Variants in CEP85L observed in about 807,000 individuals in gnomAD.
CEP85L encodes centrosomal protein of 85 kDa-like.
A neutral mutation model predicts 100.3 loss-of-function variants in CEP85L; 60 were observed. The observed-to-expected ratio is 0.60, with a 90% CI of 0.49 to 0.74. The LOEUF is 0.74. CEP85L is among the 30% of genes least tolerant of loss of function. The pLI, the probability that CEP85L is intolerant of heterozygous loss-of-function variation, is 0.00. For synonymous variants in CEP85L, 319 were observed against 322.7 expected (o/e 0.99, Z 0.12); for missense variants, 973 against 936.2 (o/e 1.04, Z -0.51).
intron 2 of CEP85L, among the ~76,000 whole-genome samples, chr6:118,629,610 T>C (rs1453563675): frequency 6.6e-6 from 1 of 152,226 alleles, no homozygotes; most frequent in African/African-American, 2.4e-5. Context: ...GAAGACAGTT[T>C]GGTGGTTTTT....
At chr6:118,691,344 C>T (rs948074038) in intron 1 of CEP85L, among the ~76,000 whole-genome samples, 4 of 151,910 alleles carry the variant, frequency 2.6e-5, no homozygotes, top group African/African-American at 9.7e-5. Flanking sequence ...ACCAGCCTGA[C>T]CAACATGGAG....
intron 2 of CEP85L, among the ~76,000 whole-genome samples, chr6:118,578,471 C>A (rs1246946174): frequency 6.6e-6 from 1 of 152,222 alleles, no homozygotes; most frequent in Non-Finnish European, 1.5e-5. Context: ...GTGGCTCACG[C>A]CTGTAATCCC....
At chr6:118,569,378 T>C (rs879344755) in intron 2 of CEP85L, among the ~76,000 whole-genome samples, 18 of 106,928 alleles carry the variant, frequency 1.7e-4, no homozygotes, top group African/African-American at 6.8e-4. Flanking sequence ...AGGAGTAAAA[T>C]ATACAGCCTT....
chr6:118,622,561 A>T (rs181623054), intron 2 of CEP85L, among the ~76,000 whole-genome samples: 1 of 152,380 alleles, frequency 6.6e-6, no homozygotes, highest in Non-Finnish European at 1.5e-5. Context: ...TCCCCCAGGG[A>T]CCAGCACCCA....
At chr6:118,664,921 C>T (rs559332609) in intron 1 of CEP85L, among the ~76,000 whole-genome samples, 26 of 152,150 alleles carry the variant, frequency 1.7e-4, no homozygotes, top group Admixed American at 9.8e-4. Flanking sequence ...AGTTGATTAA[C>T]GAAATAATTT....
chr6:118,569,368 A>AAAAG lies in CEP85L; in HGVS notation c.233-3053_233-3052insCTTT, dbSNP rs56914205. On this transcript the variant is annotated intron_variant, in intron 2 of 12. Coordinates refer to ENST00000368491, the MANE Select transcript of CEP85L (RefSeq NM_001042475.3). The stretch of plus-strand genomic sequence containing the variant: ...AAAAAAAAAAAAAAAAAAAAAAAAA[A>AAAAG]GGAGTAAAATATACAGCCTTTTCAT... 8.0e-4 allele frequency among the ~76,000 whole-genome samples: 112 copies of AAAAG among 140,862 alleles called. 1 individual carries two copies. Among genetic ancestry groups the AAAAG allele is most frequent in the African/African-American group, 2.7e-3 (103 of 38,864 alleles). 92.4% of individuals were successfully genotyped at this position (140,862 alleles called of 152,430 possible).
At chr6:118,639,336 A>G (rs1218349745) in intron 1 of CEP85L, among the ~76,000 whole-genome samples, 11 of 152,206 alleles carry the variant, frequency 7.2e-5, no homozygotes, top group African/African-American at 2.7e-4. Flanking sequence ...TTCTACTTAC[A>G]TAGATCTGTG....
At chr6:118,589,750 GC>G in intron 2 of CEP85L, 1 of 218,942 alleles carries the variant, frequency 4.6e-6, no homozygotes, top group Non-Finnish European at 9.1e-6. Context: ...GCAAGTGAAA[GC>G]AGGAGTTCAC....
At chr6:118,655,980 C>T (rs1033380578), upstream of CEP85L, among the ~76,000 whole-genome samples, 4 of 152,172 alleles carry the variant, frequency 2.6e-5, no homozygotes, top group Admixed American at 6.5e-5. Flanking sequence ...ATGCCTTTTC[C>T]GCCATGCTCT....
At chr6:118,476,695 A>G (rs956388050) in intron 10 of CEP85L, among the ~76,000 whole-genome samples, 1 of 152,228 alleles carries the variant, frequency 6.6e-6, no homozygotes, top group Non-Finnish European at 1.5e-5. Context: ...TGTTATAAAT[A>G]GAACAGACTG....
intron 3 of CEP85L, among the ~76,000 whole-genome samples, chr6:118,545,372 G>C (rs1006526736): frequency 6.6e-6 from 1 of 152,034 alleles, no homozygotes; most frequent in African/African-American, 2.4e-5. Context: ...GGCAGATCAC[G>C]AGGTCAGGAG....
At chr6:118,639,350 C>T (rs1231739577) in intron 1 of CEP85L, among the ~76,000 whole-genome samples, 8 of 152,096 alleles carry the variant, frequency 5.3e-5, no homozygotes, top group Admixed American at 2.0e-4. Context: ...ATCTGTGAGC[C>T]CCTTACGGCA....
chr6:118,579,840 G>A (rs1780464569), intron 2 of CEP85L, among the ~76,000 whole-genome samples: 1 of 152,196 alleles, frequency 6.6e-6, no homozygotes, highest in Admixed American at 6.5e-5. Flanking sequence ...TGAAGGGCGG[G>A]CCAGCAAGCT....
intron 1 of CEP85L, among the ~76,000 whole-genome samples, chr6:118,700,594 T>C (rs1423121319): frequency 6.6e-6 from 1 of 152,214 alleles, no homozygotes; most frequent in Non-Finnish European, 1.5e-5. Flanking sequence ...GGTGAGAACA[T>C]CTTCTGCTCT....
chr6:118,632,462 T>A lies in CEP85L; in HGVS notation c.223A>T (p.Ser75Cys). Residue 75 changes from serine to cysteine, a missense_variant, in exon 2 of 13, where the codon AGC becomes TGC. Physicochemically the swap from Ser to Cys is moderately radical, Grantham distance 112. This residue lies in a region of CEP85L where 890 missense variants were observed against 844.5 expected (regional missense o/e 1.05). Coordinates refer to ENST00000368491, the MANE Select transcript of CEP85L (RefSeq NM_001042475.3). ...AAGAATTTTAGCTCACCTTCCACGCTATCAGAACAGGAAGTTCCAATGCCA... is the reference window on the plus strand; with the variant it reads ...AAGAATTTTAGCTCACCTTCCACGCAATCAGAACAGGAAGTTCCAATGCCA... ...DTGIGTSCSD[S>C]VEDHSTSSGT... The A allele has an allele frequency of 6.3e-7, 1 of 1,599,592 alleles. No homozygotes were observed. Among genetic ancestry groups the A allele is most frequent in the Non-Finnish European group, 8.5e-7 (1 of 1,174,750 alleles).
chr6:118,462,851 T>A lies in CEP85L; in HGVS notation c.*2554A>T, dbSNP rs1327132090. 6.6e-6 allele frequency: 1 copy of A among 151,888 alleles called. No homozygotes were observed. The highest frequency in any genetic ancestry group is 2.4e-5 in the African/African-American group (1 of 41,392). 9.4% of individuals were successfully genotyped at this position (151,888 alleles called of 1,614,324 possible). A position where few individuals can be genotyped will look rare whatever the true frequency, so the allele number is the denominator to read the frequency against. ...TTTCTGAAAAATAAAAATCAAAAAG[T>A]AAATACTGACAAACTAGATAGAATA... On this transcript the variant is annotated 3_prime_UTR_variant, in exon 13 of 13. Coordinates refer to ENST00000368491, the MANE Select transcript of CEP85L (RefSeq NM_001042475.3).
At chr6:118,514,429 G>C (rs934894565) in intron 4 of CEP85L, among the ~76,000 whole-genome samples, 3 of 151,384 alleles carry the variant, frequency 2.0e-5, no homozygotes, top group Non-Finnish European at 2.9e-5. Flanking sequence ...GGAGGCTGAG[G>C]CAGGAGAATG....
intron 5 of CEP85L, among the ~76,000 whole-genome samples, chr6:118,495,497 T>A (rs1774861037): frequency 6.6e-6 from 1 of 152,174 alleles, no homozygotes; most frequent in Non-Finnish European, 1.5e-5. Context: ...ACTTCTTCCT[T>A]CTATCATATG....
Position 118,513,701 on chromosome 6 carries a change from T to G in CEP85L, c.1140-2286A>C, listed in dbSNP as rs1047282373. On this transcript the variant is annotated intron_variant, in intron 4 of 12. Transcript: ENST00000368491. The stretch of plus-strand genomic sequence containing the variant: ...TTAAAGGTTAAATAAAGATCTTTTT[T>G]GGAAACTTAAAAGCTGAAAGAATTG... Among the ~76,000 whole-genome samples, 3 of 152,142 alleles carry G rather than the reference T, an allele frequency of 2.0e-5. No homozygotes were observed. The South Asian group carries it at 6.2e-4, about 31-fold the overall frequency.
Sources: allele counts gnomAD v4.1 joint callset (sites outside exome capture counted in the v4.1 genomes callset), GRCh38; gene constraint gnomAD v4.1.1; regional missense constraint gnomAD v4.1.1; transcripts MANE v1.5; gene names NCBI Gene and HGNC (gene_info 2026-07-23, HGNC 2026-07-21).